The following RAB43 variants were observed in gnomAD, a reference collection of about 807,000 sequenced individuals.
RAB43 encodes the protein RAB43, member RAS oncogene family.
In RAB43, 6 loss-of-function variants were observed where a neutral mutation model predicts 18.8. The observed-to-expected ratio is 0.32, with a 90% CI of 0.17 to 0.63. RAB43 has a LOEUF of 0.63. RAB43 is among the 30% of genes least tolerant of loss of function. The pLI is 0.79. For synonymous variants in RAB43, 103 were observed against 124.1 expected, an observed-to-expected ratio of 0.83 and a Z score of 1.13; for missense variants, 195 against 289.1, an observed-to-expected ratio of 0.67 and a Z score of 2.36.
rs1415467882 is a variant in RAB43 at position 129,095,351 on chromosome 3, G to T, written c.205-182C>A. On this transcript the variant is annotated intron_variant, in intron 1 of 2. Transcript: ENST00000315150. This position sits in a 1 kb window ranked among gnomAD's most constrained non-coding sequence, Gnocchi z 4.2. ...AAAAATGGGGAAGCAAAGGGAAGGT[G>T]AGCAGCCCCTGTCCTGGCCCTCTAG... Among the ~76,000 whole-genome samples the T allele has an allele frequency of 1.3e-5, 2 of 152,162 alleles. No individual in the cohort carries two copies. Among genetic ancestry groups the T allele is most frequent in the Admixed American group, 6.5e-5 (1 of 15,286 alleles).
At chr3:129,115,918 C>G (rs548364754) in intron 1 of RAB43, among the ~76,000 whole-genome samples, 2 of 152,306 alleles carry the variant, frequency 1.3e-5, no homozygotes, top group African/African-American at 4.8e-5. Context: ...TCACGCCATC[C>G]TGCTCCGTCC....
rs753673475 is a variant in RAB43 at position 129,095,132 on chromosome 3, C to T, written c.242G>A (p.Arg81His). ...GCGGTAGTAGCTCTGGGTGATGGTGCGGAACCGCTCCTGGCCGGCCGTGTC... is the reference window on the plus strand; with the variant it reads ...GCGGTAGTAGCTCTGGGTGATGGTGTGGAACCGCTCCTGGCCGGCCGTGTC... ...IWDTAGQERF[R>H]TITQSYYRSA... The change falls in exon 2 of 3, where the codon CGC becomes CAC. Residue 81 changes from arginine to histidine, a missense_variant. Arg to His is a conservative substitution (Grantham distance 29). Transcript: ENST00000315150. The surrounding 1 kb of genome is among the most constrained non-coding windows in gnomAD (Gnocchi z 4.2). 8.7e-6 allele frequency: 14 copies of T among 1,613,116 alleles called. No homozygotes were observed. The highest frequency in any genetic ancestry group is 9.3e-6 in the Non-Finnish European group (11 of 1,179,594).
chr3:129,119,260 G>C (rs1390142800), intron 1 of RAB43, among the ~76,000 whole-genome samples: 1 of 152,218 alleles, frequency 6.6e-6, no homozygotes, highest in Non-Finnish European at 1.5e-5. Flanking sequence ...TCGAAGGACA[G>C]TGTTCCCTCA....
chr3:129,109,940 C>G (rs1380403259), intron 1 of RAB43, among the ~76,000 whole-genome samples: 1 of 151,658 alleles, frequency 6.6e-6, no homozygotes, highest in Non-Finnish European at 1.5e-5. Context: ...TCCTGGCTCA[C>G]TGCAGCCTCG....
At chr3:129,094,335 G>C (rs992103645) in intron 2 of RAB43, among the ~76,000 whole-genome samples, 9 of 152,170 alleles carry the variant, frequency 5.9e-5, no homozygotes, top group South Asian at 4.2e-4. Context: ...ATGCTCACAG[G>C]CCATGTGGAC....
intron 1 of RAB43, among the ~76,000 whole-genome samples, chr3:129,104,853 G>A (rs901394482): frequency 2.0e-5 from 3 of 152,086 alleles, no homozygotes; most frequent in Non-Finnish European, 2.9e-5. Context: ...TAACCTTTTG[G>A]TGCACTCCTA....
At chr3:129,101,545 G>C (rs1032474020) in intron 1 of RAB43, among the ~76,000 whole-genome samples, 5 of 152,210 alleles carry the variant, frequency 3.3e-5, no homozygotes, top group Admixed American at 1.3e-4. Context: ...CAGCCTATTT[G>C]ATGATCTGAG....
chr3:129,092,723 G>A (rs1297259179), intron 2 of RAB43: 1 of 387,422 alleles, frequency 2.6e-6, no homozygotes, highest in Non-Finnish European at 4.6e-6. Flanking sequence ...TTGGGAGGCT[G>A]AGGCGGGTGG....
At chr3:129,121,242 C>T in intron 1 of RAB43, 44 bp downstream of exon 1, 1 of 1,522,208 alleles carries the variant, frequency 6.6e-7, no homozygotes, top group Non-Finnish European at 8.9e-7. Context: ...CCCCGCCCCA[C>T]CCTCCGAGGG....
chr3:129,099,531 C>A (rs775197166), intron 1 of RAB43, among the ~76,000 whole-genome samples: 1 of 152,116 alleles, frequency 6.6e-6, no homozygotes, highest in South Asian at 2.1e-4. Context: ...GAATTATGGG[C>A]ACGTGCCATC....
chr3:129,107,895 A>C lies in RAB43; in HGVS notation c.205-12726T>G, dbSNP rs926700322. Among the ~76,000 whole-genome samples the C allele has an allele frequency of 2.6e-5, 4 of 151,778 alleles. No homozygotes were observed. Among genetic ancestry groups the C allele is most frequent in the Admixed American group, 6.6e-5 (1 of 15,244 alleles). On this transcript the variant is annotated intron_variant, in intron 1 of 2. Coordinates refer to ENST00000315150, the MANE Select transcript of RAB43 (RefSeq NM_198490.3). This position sits in a 1 kb window ranked among gnomAD's most constrained non-coding sequence, Gnocchi z 4.2. ...CCCTCACCCTCCAAGCCACTCGGTC[A>C]CCTCTTCAACTCTCTAGAGCAAACC... is the stretch of plus-strand genomic sequence containing the variant.
intron 1 of RAB43, among the ~76,000 whole-genome samples, chr3:129,101,205 G>A (rs568374514): frequency 1.3e-4 from 20 of 152,286 alleles, no homozygotes; most frequent in African/African-American, 4.1e-4. Context: ...AAATGCATCC[G>A]TTTAACAATA....
chr3:129,104,456 C>T (rs1322988030), intron 1 of RAB43, among the ~76,000 whole-genome samples: 1 of 152,188 alleles, frequency 6.6e-6, no homozygotes, highest in Admixed American at 6.6e-5. Context: ...AGTCCAGAAG[C>T]ATCTACTGGA....
At chr3:129,113,170 AT>A (rs1251520604) in intron 1 of RAB43, among the ~76,000 whole-genome samples, 1,781 of 134,400 alleles carry the variant, frequency 0.013, 16 homozygotes, top group African/African-American at 0.02. Context: ...TATTATTATT[AT>A]TTTTTTTTTT....
chr3:129,119,592 A>G (rs1321325999), intron 1 of RAB43, among the ~76,000 whole-genome samples: 2 of 152,236 alleles, frequency 1.3e-5, no homozygotes, highest in African/African-American at 2.4e-5. Context: ...GTCAGCGGCT[A>G]TAACTTGGAG....
Position 129,095,290 on chromosome 3 carries a change from T to C in RAB43, c.205-121A>G, listed in dbSNP as rs1478422204. ...CCACTGGGCTAGGAGGCCTTCTGAG[T>C]CCTTAGAAAGCAACTCAATGGCTCA... On this transcript the variant is annotated intron_variant, in intron 1 of 2. Coordinates refer to ENST00000315150, the MANE Select transcript of RAB43 (RefSeq NM_198490.3). The surrounding 1 kb of genome is among the most constrained non-coding windows in gnomAD (Gnocchi z 4.2). The C allele has an allele frequency of 7.3e-7, 1 of 1,373,432 alleles. No homozygotes were observed. The highest frequency in any genetic ancestry group is 9.7e-7 in the Non-Finnish European group (1 of 1,030,216). The allele number at this position is 1,373,432 out of a possible 1,614,324, so 85.1% of individuals were successfully genotyped here.
At chr3:129,111,983 C>G (rs1458924362) in intron 1 of RAB43, among the ~76,000 whole-genome samples, 1 of 152,168 alleles carries the variant, frequency 6.6e-6, no homozygotes, top group Non-Finnish European at 1.5e-5. Context: ...CACGGCAGCT[C>G]ACACCTGTAA....
In RAB43 at chr3:129,090,185, CG is replaced by C. The variant is rs1290387672; in HGVS notation, c.*910del. On this transcript the variant is annotated 3_prime_UTR_variant, in exon 3 of 3. Transcript: ENST00000315150. ...ACTCGATTCCATAGACTGGGACCCA[CG>C]CTCGGCTGGCAGGATTCCTGCTTGT... 6.6e-6 allele frequency: 1 copy of C among 152,106 alleles called. No individual in the cohort carries two copies. The highest frequency in any genetic ancestry group is 2.4e-5 in the African/African-American group (1 of 41,390). The allele number at this position is 152,106 out of a possible 1,614,324, so 9.4% of individuals were successfully genotyped here.
intron 1 of RAB43, among the ~76,000 whole-genome samples, chr3:129,116,636 C>G: frequency 6.6e-6 from 1 of 152,186 alleles, no homozygotes; most frequent in East Asian, 1.9e-4. Context: ...CAAGGGGAAG[C>G]TTGAGAGTCA....
Sources: gnomAD v4.1 joint callset for allele counts (sites outside exome capture counted in the v4.1 genomes callset) on GRCh38, gnomAD v4.1.1 for gene constraint, Gnocchi (gnomAD v3.1) non-coding constraint, MANE v1.5 for transcripts, NCBI Gene and HGNC (gene_info 2026-07-23, HGNC 2026-07-21) for gene names.